Variants in ADAMTS12 observed in about 807,000 individuals in gnomAD.
The protein encoded by ADAMTS12 is A disintegrin and metalloproteinase with thrombospondin motifs 12.
In ADAMTS12, 118 loss-of-function variants were observed where a neutral mutation model predicts 167.8. The ratio of observed to expected loss-of-function variants is 0.70; its 90% CI spans 0.61 to 0.82. The LOEUF is 0.82. Among genes scored for constraint, ADAMTS12 ranks in the 40% least tolerant of loss-of-function variants. ADAMTS12 has a pLI of 0.00. For synonymous variants in ADAMTS12, 704 were observed against 716.9 expected (o/e 0.98, Z 0.29); for missense variants, 1,916 against 1,998.8 (o/e 0.96, Z 0.79).
chr5:33,724,000 GC>G (rs1336253198), intron 3 of ADAMTS12, among the ~76,000 whole-genome samples: 1 of 152,174 alleles, frequency 6.6e-6, no homozygotes, highest in Non-Finnish European at 1.5e-5. Context: ...TTGTGGCTCT[GC>G]CTAGCATCGT....
chr5:33,824,768 A>T (rs1299280846), intron 2 of ADAMTS12, among the ~76,000 whole-genome samples: 1 of 152,156 alleles, frequency 6.6e-6, no homozygotes, highest in Non-Finnish European at 1.5e-5. Flanking sequence ...GTCACACAAG[A>T]AAACTTCCCA....
At chr5:33,552,294 C>G (rs1272544106) in intron 20 of ADAMTS12, among the ~76,000 whole-genome samples, 3 of 152,178 alleles carry the variant, frequency 2.0e-5, no homozygotes, top group Non-Finnish European at 2.9e-5. Flanking sequence ...GGGGGACTAA[C>G]AGACCAACTC....
intron 3 of ADAMTS12, among the ~76,000 whole-genome samples, chr5:33,721,279 T>G (rs1743796016): frequency 6.6e-6 from 1 of 152,188 alleles, no homozygotes; most frequent in African/African-American, 2.4e-5. Flanking sequence ...CTTCTTGGCG[T>G]GGGTGTTAGT....
chr5:33,546,560 C>G (rs963610496), intron 21 of ADAMTS12, among the ~76,000 whole-genome samples: 1 of 152,090 alleles, frequency 6.6e-6, no homozygotes, highest in Non-Finnish European at 1.5e-5. Flanking sequence ...ATTTTGTTTG[C>G]CTCCTATTAA....
intron 2 of ADAMTS12, among the ~76,000 whole-genome samples, chr5:33,856,176 G>A (rs116353537): frequency 0.02 from 2,972 of 152,272 alleles, 64 homozygotes; most frequent in Non-Finnish European, 0.022. Flanking sequence ...ACTGGATAGA[G>A]AATTGGTCAG....
rs963472561 is a variant in ADAMTS12 at position 33,596,064 on chromosome 5, G to C, written c.2528-4C>G. 4 of 1,613,748 alleles carry C rather than the reference G, an allele frequency of 2.5e-6. No homozygotes were observed. The African/African-American group carries it at 4.0e-5, about 16-fold the overall frequency. On this transcript the variant is annotated splice_polypyrimidine_tract_variant and splice_region_variant and intron_variant, in intron 16 of 23. Transcript: ENST00000504830. Reference sequence around the variant, plus strand: ...TGGGCAGTTTGGCGGCGGATACCTGGGGGTCAGACAGAAAGATTCACACAT... The same window carrying C: ...TGGGCAGTTTGGCGGCGGATACCTGCGGGTCAGACAGAAAGATTCACACAT...
intron 13 of ADAMTS12, among the ~76,000 whole-genome samples, chr5:33,627,385 G>A (rs934018022): frequency 6.6e-6 from 1 of 150,814 alleles, no homozygotes; most frequent in African/African-American, 2.4e-5. Flanking sequence ...GGTGGTGGTG[G>A]GAGTAGTGGT....
chr5:33,649,625 G>C lies in ADAMTS12; in HGVS notation c.1263C>G (p.Arg421=). The change falls in exon 8 of 24, where the codon CGC becomes CGG. Residue 421 remains arginine (R), a synonymous_variant. Coordinates refer to ENST00000504830, the MANE Select transcript of ADAMTS12 (RefSeq NM_030955.4). Reference sequence around the variant, plus strand: ...GCGGAGTGGGATCGTACTGGAGCTGGCGGGACATGATGTACGGATGTCTGC... The same window carrying C: ...GCGGAGTGGGATCGTACTGGAGCTGCCGGGACATGATGTACGGATGTCTGC... The part of the protein sequence containing the change: ...PVGRHPYIMS[R]QLQYDPTPLT... 6.2e-7 allele frequency: 1 copy of C among 1,614,078 alleles called. No homozygotes were observed. The highest frequency in any genetic ancestry group is 8.5e-7 in the Non-Finnish European group (1 of 1,179,934).
intron 3 of ADAMTS12, among the ~76,000 whole-genome samples, chr5:33,719,387 G>A (rs1341451679): frequency 6.6e-6 from 1 of 152,164 alleles, no homozygotes; most frequent in African/African-American, 2.4e-5. Flanking sequence ...CTCTGGGTTG[G>A]GTGAAAAGTG....
intron 3 of ADAMTS12, among the ~76,000 whole-genome samples, chr5:33,737,993 A>G (rs932699932): frequency 1.3e-5 from 2 of 152,220 alleles, no homozygotes; most frequent in Non-Finnish European, 2.9e-5. Flanking sequence ...GCTAGTTGGG[A>G]TCCAAACTGC....
At chr5:33,711,175 G>A (rs1743390007) in intron 3 of ADAMTS12, among the ~76,000 whole-genome samples, 1 of 152,030 alleles carries the variant, frequency 6.6e-6, no homozygotes, top group South Asian at 2.1e-4. Context: ...AACCCAGAGA[G>A]TGACTGACTA....
intron 3 of ADAMTS12, among the ~76,000 whole-genome samples, chr5:33,710,463 T>C (rs558392416): frequency 6.6e-6 from 1 of 152,262 alleles, no homozygotes; most frequent in East Asian, 1.9e-4. Context: ...TGATCTCAAA[T>C]TGTCAAGTCT....
chr5:33,636,861 A>G (rs941617117), intron 12 of ADAMTS12, among the ~76,000 whole-genome samples: 3 of 152,126 alleles, frequency 2.0e-5, no homozygotes, highest in African/African-American at 7.2e-5. Context: ...TTAAGGAGAG[A>G]ATGTGTCTGG....
chr5:33,719,582 T>C (rs1399220037), intron 3 of ADAMTS12, among the ~76,000 whole-genome samples: 1 of 152,212 alleles, frequency 6.6e-6, no homozygotes, highest in Non-Finnish European at 1.5e-5. Context: ...TGAGTGTCTA[T>C]TGAGTGATTT....
At chr5:33,677,314 A>G (rs1736738523) in intron 5 of ADAMTS12, among the ~76,000 whole-genome samples, 1 of 152,356 alleles carries the variant, frequency 6.6e-6, no homozygotes, top group Admixed American at 6.5e-5. Context: ...GTATTACATG[A>G]ATGAAGACAT....
At chr5:33,557,549 G>C (rs1443278364) in intron 20 of ADAMTS12, among the ~76,000 whole-genome samples, 1 of 152,138 alleles carries the variant, frequency 6.6e-6, no homozygotes, top group Non-Finnish European at 1.5e-5. Context: ...AGTATTGTTT[G>C]AGCCCAGGAG....
Position 33,566,242 on chromosome 5 carries a change from G to A in ADAMTS12, c.3973-5063C>T, listed in dbSNP as rs549623702. ...CTTTGGGAGGCTGAGGCAGAATTTT[G>A]CTTGAGGCCAGGAGTTCCAGACTAG... On this transcript the variant is annotated intron_variant, in intron 19 of 23. Transcript: ENST00000504830. 1.6e-4 allele frequency among the ~76,000 whole-genome samples: 24 copies of A among 152,264 alleles called. No individual in the cohort carries two copies. In the South Asian group the frequency reaches 4.8e-3, roughly 30 times the overall value.
Position 33,875,764 on chromosome 5 carries a change from G to T in ADAMTS12, c.489+5355C>A, listed in dbSNP as rs1341673989. On this transcript the variant is annotated intron_variant, in intron 2 of 23. Coordinates refer to ENST00000504830, the MANE Select transcript of ADAMTS12 (RefSeq NM_030955.4). ...GACTGGAGAAAAGGCAAGAGATGTT[G>T]CTCTCCCCATTCTTATTCAATATAG... is the stretch of plus-strand genomic sequence containing the variant. Among the ~76,000 whole-genome samples, 6 of 152,278 alleles carry T rather than the reference G, an allele frequency of 3.9e-5. No homozygotes were observed. The East Asian group carries it at 1.2e-3, about 29-fold the overall frequency.
At chr5:33,651,830 AAT>A (rs1407431752) in intron 7 of ADAMTS12, among the ~76,000 whole-genome samples, 8 of 152,076 alleles carry the variant, frequency 5.3e-5, no homozygotes, top group African/African-American at 1.9e-4. Flanking sequence ...CAGTGTCTAT[AAT>A]TTCCCTCTGT....
Sources: allele counts gnomAD v4.1 joint callset (sites outside exome capture counted in the v4.1 genomes callset), GRCh38; gene constraint gnomAD v4.1.1; transcripts MANE v1.5; gene names NCBI Gene and HGNC (gene_info 2026-07-23, HGNC 2026-07-21).